Variants in SGTB observed in about 807,000 individuals in gnomAD.
The protein encoded by SGTB is small glutamine-rich tetratricopeptide repeat-containing protein beta.
A neutral mutation model predicts 43.9 loss-of-function variants in SGTB; 19 were observed. The observed-to-expected ratio is 0.43, with a 90% confidence interval of 0.30 to 0.63. The LOEUF (loss-of-function observed/expected upper bound fraction) is 0.63, where lower values mean the gene tolerates loss of function less well. SGTB is among the 30% of genes least tolerant of loss of function. SGTB has a pLI of 0.12. For missense variants in SGTB, 304 were observed against 358.9 expected, an observed-to-expected ratio of 0.85 and a Z score of 1.24; for synonymous variants, 116 against 117.3, an observed-to-expected ratio of 0.99 and a Z score of 0.07.
intron 2 of SGTB, among the ~76,000 whole-genome samples, chr5:65,716,515 A>G (rs1053176318): frequency 6.6e-6 from 1 of 152,212 alleles, no homozygotes; most frequent in Non-Finnish European, 1.5e-5. Context: ...TCAAATCTAG[A>G]CATATTTTGA....
At chr5:65,698,280 A>C (rs926530869) in intron 5 of SGTB, among the ~76,000 whole-genome samples, 25 of 152,238 alleles carry the variant, frequency 1.6e-4, no homozygotes, top group African/African-American at 6.0e-4. Flanking sequence ...AACTCTAGTT[A>C]ATGATATGCA....
At chr5:65,720,680 T>C (rs1011766958) in intron 2 of SGTB, 28 bp downstream of exon 2, 1 of 1,597,188 alleles carries the variant, frequency 6.3e-7, no homozygotes, top group Non-Finnish European at 8.5e-7. Flanking sequence ...AATTATAATA[T>C]AAATGAACAC....
At chr5:65,696,571 C>T (rs745592951) in intron 5 of SGTB, among the ~76,000 whole-genome samples, 3 of 152,124 alleles carry the variant, frequency 2.0e-5, no homozygotes, top group Admixed American at 6.6e-5. Flanking sequence ...CTACAAGGCA[C>T]AGTATAAGGT....
chr5:65,710,864 C>T lies in SGTB; in HGVS notation c.204+2097G>A, dbSNP rs559571208. On this transcript the variant is annotated intron_variant, in intron 3 of 10. Transcript: ENST00000381007. ...AATTAGCCAGGGCCGGGTGTGGTGG[C>T]GGGTGCCTGTAATCCCAGCTATTCG... is the stretch of plus-strand genomic sequence containing the variant. 9.9e-5 allele frequency among the ~76,000 whole-genome samples: 15 copies of T among 152,094 alleles called. No homozygotes were observed. In the South Asian group the frequency reaches 1.5e-3, roughly 15 times the overall value.
rs1437034145 is a variant in SGTB at position 65,669,697 on chromosome 5, A to C, written c.*549T>G. On this transcript the variant is annotated 3_prime_UTR_variant, in exon 11 of 11. Transcript: ENST00000381007. ...CTGTTCACCAGAACAAGCAACATTA[A>C]AGATAACATTGGTTCCCATGTTATA... is the stretch of plus-strand genomic sequence containing the variant. 1.3e-5 allele frequency: 2 copies of C among 152,690 alleles called. No individual in the cohort carries two copies. Among genetic ancestry groups the C allele is most frequent in the Non-Finnish European group, 2.9e-5 (2 of 68,044 alleles). 9.5% of individuals were successfully genotyped at this position (152,690 alleles called of 1,614,324 possible).
At chr5:65,715,342 G>A (rs1758127974) in intron 2 of SGTB, among the ~76,000 whole-genome samples, 1 of 152,174 alleles carries the variant, frequency 6.6e-6, no homozygotes, top group Non-Finnish European at 1.5e-5. Context: ...GATAGAGAAA[G>A]ATGAGTGAAG....
intron 5 of SGTB, among the ~76,000 whole-genome samples, chr5:65,695,266 A>G (rs1276418142): frequency 1.3e-5 from 2 of 152,202 alleles, no homozygotes; most frequent in African/African-American, 4.8e-5. Flanking sequence ...GATTCTGACA[A>G]TAAGATAAGA....
intron 3 of SGTB, among the ~76,000 whole-genome samples, chr5:65,709,594 G>C (rs1579883074): frequency 6.6e-6 from 1 of 152,172 alleles, no homozygotes; most frequent in South Asian, 2.1e-4. Context: ...GGCCACAATG[G>C]TCTAGATCTC....
chr5:65,674,908 A>G (rs1757236165), intron 8 of SGTB, among the ~76,000 whole-genome samples: 1 of 152,236 alleles, frequency 6.6e-6, no homozygotes, highest in Admixed American at 6.5e-5. Context: ...GGAAAAATAA[A>G]AACTACCAGT....
chr5:65,709,705 T>C (rs905857748), intron 3 of SGTB, among the ~76,000 whole-genome samples: 1 of 152,116 alleles, frequency 6.6e-6, no homozygotes, highest in African/African-American at 2.4e-5. Flanking sequence ...GTAAAATTAA[T>C]ATATGTTCAT....
intron 5 of SGTB, among the ~76,000 whole-genome samples, chr5:65,696,586 T>C (rs997033812): frequency 3.9e-5 from 6 of 152,160 alleles, no homozygotes; most frequent in Admixed American, 3.9e-4. Context: ...TAAGGTGCTA[T>C]AGGGGATACA....
chr5:65,709,239 C>T (rs969515605), intron 3 of SGTB, among the ~76,000 whole-genome samples: 14 of 152,032 alleles, frequency 9.2e-5, no homozygotes, highest in Non-Finnish European at 1.5e-5. Flanking sequence ...AAGATATACC[C>T]TACTAAGTCA....
In SGTB at chr5:65,680,799, A is replaced by G; in HGVS notation, c.480-5T>C. On this transcript the variant is annotated splice_region_variant and splice_polypyrimidine_tract_variant and intron_variant, in intron 6 of 10. Coordinates refer to ENST00000381007, the MANE Select transcript of SGTB (RefSeq NM_019072.3). ...TTCAAGGCAGTGAGGGCCAGCCTGA[A>G]GGGAATAGAATATAAGAATATCAGA... is the stretch of plus-strand genomic sequence containing the variant. 6.2e-7 allele frequency: 1 copy of G among 1,612,122 alleles called. No individual in the cohort carries two copies. The highest frequency in any genetic ancestry group is 1.7e-5 in the Admixed American group (1 of 59,906).
chr5:65,722,309 C>A, upstream of SGTB: 1 of 1,391,772 alleles, frequency 7.2e-7, no homozygotes, highest in South Asian at 1.3e-5. Flanking sequence ...CAGGCGCTGC[C>A]GCCCGCCTCG....
intron 4 of SGTB, among the ~76,000 whole-genome samples, chr5:65,705,839 G>A (rs1757922454): frequency 6.7e-6 from 1 of 148,868 alleles, no homozygotes; most frequent in Non-Finnish European, 1.5e-5. Context: ...ACCAGCCTGG[G>A]CAACATGGTG....
At chr5:65,691,273 C>T (rs952348892) in intron 5 of SGTB, among the ~76,000 whole-genome samples, 1 of 152,044 alleles carries the variant, frequency 6.6e-6, no homozygotes, top group Non-Finnish European at 1.5e-5. Flanking sequence ...GTCCTGCAAC[C>T]CAATCTTGGT....
chr5:65,704,047 A>AATAAAT (rs958355126), intron 5 of SGTB, among the ~76,000 whole-genome samples: 2 of 125,132 alleles, frequency 1.6e-5, no homozygotes, highest in African/African-American at 6.0e-5. Context: ...AAAAAAAAAA[A>AATAAAT]AAAAATAAAT....
intron 5 of SGTB, among the ~76,000 whole-genome samples, chr5:65,690,659 G>A (rs1227609594): frequency 6.6e-6 from 1 of 152,182 alleles, no homozygotes; most frequent in Non-Finnish European, 1.5e-5. Context: ...ATTAAGGATA[G>A]AGAGAGGTAT....
chr5:65,704,350 A>G lies in SGTB; in HGVS notation c.303T>C (p.Tyr101=). 1 of 1,612,608 alleles carries G rather than the reference A, an allele frequency of 6.2e-7. No individual in the cohort carries two copies. Among genetic ancestry groups the G allele is most frequent in the South Asian group, 1.1e-5 (1 of 90,868 alleles). ...EGNNHMKEEN[Y]AAAVDCYTQA... is the part of the protein sequence containing the mutation. ...GTGTGTAACAATCCACTGCAGCAGC[A>G]TAATTTTCTTCTTTCATGTGGTTAT... Residue 101 remains tyrosine (Y), a synonymous_variant, in exon 5 of 11, where the codon TAT becomes TAC. Coordinates refer to ENST00000381007, the MANE Select transcript of SGTB (RefSeq NM_019072.3).
Sources: gnomAD v4.1 joint callset for allele counts (sites outside exome capture counted in the v4.1 genomes callset) on GRCh38, gnomAD v4.1.1 for gene constraint, MANE v1.5 for transcripts, NCBI Gene and HGNC (gene_info 2026-07-23, HGNC 2026-07-21) for gene names.